OR11H4: variants seen among roughly 807,000 people sequenced by gnomAD.
OR11H4 encodes the protein olfactory receptor family 11 subfamily H member 4, also known as olfactory receptor 11H4.
For synonymous variants in OR11H4, 162 were observed against 142.3 expected, an observed-to-expected ratio of 1.14 and a Z score of -0.98; for missense variants, 460 against 371.1, an observed-to-expected ratio of 1.24 and a Z score of -1.97.
intron 1 of OR11H4, among the ~76,000 whole-genome samples, chr14:20,240,576 CTTCT>C (rs201104801): frequency 0.16 from 23,069 of 147,512 alleles, 2,168 homozygotes; most frequent in African/African-American, 0.29. Context: ...TTGAAACTAC[CTTCT>C]TTTTTTTTTT....
At position 20,243,985 on chromosome 14, in the gene OR11H4, G is replaced by A; in HGVS notation, c.*219G>A. 3 of 409,574 alleles carry A rather than the reference G, an allele frequency of 7.3e-6. No individual in the cohort carries two copies. The highest frequency in any genetic ancestry group is 1.3e-5 in the Non-Finnish European group (3 of 232,808). The allele number at this position is 409,574 out of a possible 1,614,324, so 25.4% of individuals were successfully genotyped here. A position where few individuals can be genotyped will look rare whatever the true frequency, so the allele number is the denominator to read the frequency against. ...AAGTTTTCAAAGCCTGTCTTTATTA[G>A]AATGATAAAATGGAATTTCTACATG... On this transcript the variant is annotated 3_prime_UTR_variant, in exon 2 of 2. Coordinates refer to ENST00000641082, the MANE Select transcript of OR11H4 (RefSeq NM_001004479.2).
In OR11H4 at chr14:20,243,648, T is replaced by C. The variant is rs1295830019; in HGVS notation, c.827T>C (p.Leu276Pro). Reference protein sequence around the residue: ...IPTLLQKILTLVYSVTTPLFN... With the variant: ...IPTLLQKILTPVYSVTTPLFN... Reference sequence around the variant, plus strand: ...ACTTTATTGCAGAAGATCCTCACACTGGTATATTCAGTAACGACTCCTCTT... The same window carrying C: ...ACTTTATTGCAGAAGATCCTCACACCGGTATATTCAGTAACGACTCCTCTT... Residue 276 changes from leucine to proline, a missense_variant, in exon 2 of 2, where the codon CTG becomes CCG. Leu to Pro is a moderately conservative substitution (Grantham distance 98). Transcript: ENST00000641082. 1.2e-6 allele frequency: 2 copies of C among 1,614,054 alleles called. No homozygotes were observed. The highest frequency in any genetic ancestry group is 1.7e-6 in the Non-Finnish European group (2 of 1,179,940).
intron 1 of OR11H4, among the ~76,000 whole-genome samples, chr14:20,242,296 G>A (rs994552270): frequency 4.6e-5 from 7 of 152,112 alleles, no homozygotes; most frequent in African/African-American, 1.7e-4. Context: ...TGAGACTAGA[G>A]AATGGCGATG....
intron 1 of OR11H4, among the ~76,000 whole-genome samples, chr14:20,242,438 G>T (rs200939691): frequency 1.3e-5 from 2 of 152,042 alleles, no homozygotes; most frequent in East Asian, 3.8e-4. Context: ...AGTGGCTGGG[G>T]CAAAGTGGCT....
In OR11H4 at chr14:20,243,556, G is replaced by A. The variant is rs2138753235; in HGVS notation, c.735G>A (p.Leu245=). 1 of 1,613,310 alleles carries A rather than the reference G, an allele frequency of 6.2e-7. No individual in the cohort carries two copies. Among genetic ancestry groups the A allele is most frequent in the Admixed American group, 1.7e-5 (1 of 59,816 alleles). ...RKAFSTCGSH[L]VVVSLFYGTV... ...CCTTCTCTACCTGTGGTTCTCATTT[G>A]GTTGTGGTATCTCTTTTCTATGGGA... The change falls in exon 2 of 2, where the codon TTG becomes TTA. Residue 245 remains leucine, a synonymous_variant. Transcript: ENST00000641082.
In OR11H4 at chr14:20,243,769, C is replaced by A. The variant is rs1367722464; in HGVS notation, c.*3C>A. On this transcript the variant is annotated 3_prime_UTR_variant, in exon 2 of 2. Transcript: ENST00000641082. ...TGAGAATTCGTCAAAATTCGTGAGC[C>A]AAAGATGTGCCATACTTACAAGTTC... 1.3e-6 allele frequency: 2 copies of A among 1,565,688 alleles called. No individual in the cohort carries two copies. Among genetic ancestry groups the A allele is most frequent in the East Asian group, 2.2e-5 (1 of 44,522 alleles).
chr14:20,243,918 A>G lies in OR11H4; in HGVS notation c.*152A>G, dbSNP rs1881002478. ...CAGCTTAAATATGTTTCCAGCACTGACTCTTTAAACCTTAATTAACTGGTC... is the reference window on the plus strand; with the variant it reads ...CAGCTTAAATATGTTTCCAGCACTGGCTCTTTAAACCTTAATTAACTGGTC... On this transcript the variant is annotated 3_prime_UTR_variant, in exon 2 of 2. Coordinates refer to ENST00000641082, the MANE Select transcript of OR11H4 (RefSeq NM_001004479.2). The G allele has an allele frequency of 1.5e-6, 1 of 662,570 alleles. No individual in the cohort carries two copies. The highest frequency in any genetic ancestry group is 3.4e-5 in the Admixed American group (1 of 29,340). The allele number at this position is 662,570 out of a possible 1,614,324, so 41.0% of individuals were successfully genotyped here.
At chr14:20,242,330 T>C (rs1218425345) in intron 1 of OR11H4, among the ~76,000 whole-genome samples, 3 of 152,138 alleles carry the variant, frequency 2.0e-5, no homozygotes, top group African/African-American at 7.2e-5. Context: ...ATACTGCTTG[T>C]AAACATTTTG....
At chr14:20,241,433 G>A (rs139675566) in intron 1 of OR11H4, among the ~76,000 whole-genome samples, 3 of 152,208 alleles carry the variant, frequency 2.0e-5, no homozygotes, top group Admixed American at 2.0e-4. Context: ...AGAGAAAATT[G>A]ATGAACTTGT....
At chr14:20,241,844 A>C (rs1234780500) in intron 1 of OR11H4, among the ~76,000 whole-genome samples, 1 of 152,120 alleles carries the variant, frequency 6.6e-6, no homozygotes, top group South Asian at 2.1e-4. Context: ...CTATGTCATA[A>C]TTAAGTTCAA....
chr14:20,242,408 T>C (rs961135545), intron 1 of OR11H4, among the ~76,000 whole-genome samples: 3 of 152,174 alleles, frequency 2.0e-5, no homozygotes, highest in Non-Finnish European at 4.4e-5. Context: ...CACGTTTTTG[T>C]GAGCTCCAGG....
chr14:20,240,205 G>T (rs1566370040), intron 1 of OR11H4, among the ~76,000 whole-genome samples: 1 of 152,180 alleles, frequency 6.6e-6, no homozygotes, highest in African/African-American at 2.4e-5. Flanking sequence ...TCTCTGACCT[G>T]TGTATAGCAG....
chr14:20,243,353 C>A lies in OR11H4; in HGVS notation c.532C>A (p.Leu178Met). ...TGGTCCTAATATCATTGATCACTTCCTGTGTGACATGGACCCATTGATGGC... is the reference window on the plus strand; with the variant it reads ...TGGTCCTAATATCATTGATCACTTCATGTGTGACATGGACCCATTGATGGC... ...FCGPNIIDHFLCDMDPLMALS... is the reference protein window; with the variant it reads ...FCGPNIIDHFMCDMDPLMALS... Residue 178 changes from leucine (L) to methionine (M), a missense_variant, in exon 2 of 2, where the codon CTG (leucine) becomes ATG (methionine). By Grantham distance (15) the Leu-to-Met change is conservative (BLOSUM62 2). Coordinates refer to ENST00000641082, the MANE Select transcript of OR11H4 (RefSeq NM_001004479.2). 6.2e-7 allele frequency: 1 copy of A among 1,614,060 alleles called. No individual in the cohort carries two copies. Among genetic ancestry groups the A allele is most frequent in the East Asian group, 2.2e-5 (1 of 44,872 alleles).
At chr14:20,242,487 G>GT (rs1880956173) in intron 1 of OR11H4, among the ~76,000 whole-genome samples, 1 of 152,166 alleles carries the variant, frequency 6.6e-6, no homozygotes, top group Non-Finnish European at 1.5e-5. Flanking sequence ...CAAAGCAATT[G>GT]TTTAAAGTAC....
chr14:20,244,348 G>C lies in OR11H4; in HGVS notation c.*582G>C, dbSNP rs762475745. On this transcript the variant is annotated 3_prime_UTR_variant, in exon 2 of 2. Coordinates refer to ENST00000641082, the MANE Select transcript of OR11H4 (RefSeq NM_001004479.2). ...ATCTAAATCCCTCTGTCTGGCACTC[G>C]ACACCCTTCGTAATACATCCCCACT... is the stretch of plus-strand genomic sequence containing the variant. The C allele has an allele frequency of 1.3e-5, 2 of 152,072 alleles. No individual in the cohort carries two copies. The allele number at this position is 152,072 out of a possible 1,614,324, so 9.4% of individuals were successfully genotyped here. A position where few individuals can be genotyped will look rare whatever the true frequency, so the allele number is the denominator to read the frequency against.
At chr14:20,239,873 A>G (rs766565094) in intron 1 of OR11H4, among the ~76,000 whole-genome samples, 27 of 152,158 alleles carry the variant, frequency 1.8e-4, no homozygotes, top group Admixed American at 3.9e-4. Flanking sequence ...GGTGTTATAT[A>G]AAACTTTGTG....
chr14:20,241,846 T>G (rs1594242722), intron 1 of OR11H4, among the ~76,000 whole-genome samples: 2 of 152,158 alleles, frequency 1.3e-5, no homozygotes, highest in East Asian at 3.9e-4. Context: ...ATGTCATAAT[T>G]AAGTTCAAGG....
At chr14:20,241,797 A>G (rs1880928022) in intron 1 of OR11H4, among the ~76,000 whole-genome samples, 1 of 152,142 alleles carries the variant, frequency 6.6e-6, no homozygotes, top group South Asian at 2.1e-4. Context: ...GGTGATAATA[A>G]GGAGAAGGTC....
chr14:20,241,841 A>G (rs891001694), intron 1 of OR11H4, among the ~76,000 whole-genome samples: 6 of 152,124 alleles, frequency 3.9e-5, no homozygotes, highest in Admixed American at 2.0e-4. Flanking sequence ...AATCTATGTC[A>G]TAATTAAGTT....
Sources: allele counts gnomAD v4.1 joint callset (sites outside exome capture counted in the v4.1 genomes callset), GRCh38; gene constraint gnomAD v4.1.1; transcripts MANE v1.5; gene names NCBI Gene and HGNC (gene_info 2026-07-23, HGNC 2026-07-21).